The following AGL variants were observed in gnomAD, a reference collection of about 807,000 sequenced individuals.
AGL encodes glycogen debranching enzyme.
AGL carries 128 observed loss-of-function variants against 199.3 expected under a neutral mutation model. The observed-to-expected ratio is 0.64, with a 90% confidence interval of 0.56 to 0.74. The LOEUF is 0.74. Among genes scored for constraint, AGL ranks in the 30% least tolerant of loss-of-function variants. The pLI, the probability that AGL is intolerant of heterozygous loss-of-function variation, is 0.00. For synonymous variants in AGL, 584 were observed against 594.7 expected, an observed-to-expected ratio of 0.98 and a Z score of 0.26; for missense variants, 1,809 against 1,820.8, an observed-to-expected ratio of 0.99 and a Z score of 0.12.
intron 33 of AGL, among the ~76,000 whole-genome samples, chr1:99,920,826 A>G (rs962712660): frequency 7.9e-5 from 12 of 152,262 alleles, no homozygotes; most frequent in Admixed American, 3.9e-4. Context: ...ATTTGTTTTC[A>G]TTTTTAAGGG....
intron 33 of AGL, among the ~76,000 whole-genome samples, chr1:99,919,184 C>G (rs758143779): frequency 1.3e-5 from 2 of 152,204 alleles, no homozygotes; most frequent in African/African-American, 4.8e-5. Context: ...TGTGTTCCCC[C>G]TCTCTGTGCC....
At chr1:99,872,756 T>C (rs886982173) in intron 7 of AGL, among the ~76,000 whole-genome samples, 4 of 152,192 alleles carry the variant, frequency 2.6e-5, no homozygotes, top group Non-Finnish European at 5.9e-5. Flanking sequence ...CTCGATCTCT[T>C]GACCTCGTGA....
chr1:99,884,824 G>A, intron 20 of AGL, 121 bp downstream of exon 20: 1 of 1,197,618 alleles, frequency 8.3e-7, no homozygotes, highest in Non-Finnish European at 1.2e-6. Flanking sequence ...CCAAGGACCA[G>A]CAGTGTCAGC....
rs1648915915 is a variant in AGL, at chr1:99,851,108, C to T, written c.66C>T (p.Leu22=). The change falls in exon 2 of 34, where the codon CTC becomes CTT. Residue 22 remains leucine (L), a synonymous_variant. Transcript: ENST00000361915. ...AAATGGAGAAACTGGAAAAGACCCT[C>T]TTCAGACTTGAACAAGGTCAGTAGC... The part of the protein sequence containing the change: ...LNEMEKLEKT[L]FRLEQGYELQ... The T allele has an allele frequency of 6.2e-7, 1 of 1,614,008 alleles. No homozygotes were observed. Among genetic ancestry groups the T allele is most frequent in the Non-Finnish European group, 8.5e-7 (1 of 1,179,896 alleles).
At chr1:99,862,195 A>G in intron 3 of AGL, 62 bp from the exon 4 acceptor site, 9 of 1,475,852 alleles carry the variant, frequency 6.1e-6, no homozygotes, top group African/African-American at 1.4e-5. Context: ...GTCAGACTAT[A>G]TTATATGAGG....
intron 5 of AGL, among the ~76,000 whole-genome samples, chr1:99,866,800 T>TTTTCTTTA (rs58319897): frequency 1.3e-5 from 2 of 151,018 alleles, no homozygotes; most frequent in African/African-American, 2.4e-5. Context: ...ACAAGTTTTC[T>TTTTCTTTA]TTTATTTATT....
rs1397237820 is a variant in AGL, at chr1:99,900,862, G to A, written c.3588+1G>A. On this transcript the variant is annotated splice_donor_variant, in intron 26 of 33. Coordinates refer to ENST00000361915, the MANE Select transcript of AGL (RefSeq NM_000642.3). LOFTEE classifies it high-confidence loss of function. ...TGCTCCTTTGCCTGCTGGCACACTG[G>A]TAAAGATATTTCTTAAAATGTTTTT... 2 of 1,586,310 alleles carry A rather than the reference G, an allele frequency of 1.3e-6. No individual in the cohort carries two copies. Among genetic ancestry groups the A allele is most frequent in the Non-Finnish European group, 1.7e-6 (2 of 1,157,956 alleles).
rs1296061982 is a variant in AGL at position 99,870,470 on chromosome 1, A to G, written c.735A>G (p.Lys245=). ...ATCTTGTGAATTCTCCACACTTAAAACCTGCCTGGGTCTTAGACAGAGCAC... is the reference window on the plus strand; with the variant it reads ...ATCTTGTGAATTCTCCACACTTAAAGCCTGCCTGGGTCTTAGACAGAGCAC... ...AYNLVNSPHL[K]PAWVLDRALW... Residue 245 remains lysine, a synonymous_variant, in exon 6 of 34, where the codon AAA becomes AAG. Transcript: ENST00000361915. 1 of 1,613,978 alleles carries G rather than the reference A, an allele frequency of 6.2e-7. No homozygotes were observed. Among genetic ancestry groups the G allele is most frequent in the South Asian group, 1.1e-5 (1 of 91,072 alleles).
intron 2 of AGL, among the ~76,000 whole-genome samples, chr1:99,856,098 T>A (rs1361965643): frequency 6.6e-6 from 1 of 152,196 alleles, no homozygotes; most frequent in South Asian, 2.1e-4. Flanking sequence ...AGCCACACCA[T>A]GTACTGCTAT....
At chr1:99,915,322 T>C in intron 30 of AGL, 67 bp from the exon 31 acceptor site, 1 of 1,305,034 alleles carries the variant, frequency 7.7e-7, no homozygotes. Context: ...ATGAATAGTT[T>C]CTGTGGGTAG....
intron 5 of AGL, among the ~76,000 whole-genome samples, chr1:99,865,717 C>G (rs1650449054): frequency 1.3e-5 from 2 of 152,150 alleles, no homozygotes; most frequent in South Asian, 4.1e-4. Context: ...CTAGTTGGTA[C>G]AAACATTTAA....
At chr1:99,883,281 T>A (rs1374358211) in intron 17 of AGL, among the ~76,000 whole-genome samples, 1 of 152,162 alleles carries the variant, frequency 6.6e-6, no homozygotes, top group Non-Finnish European at 1.5e-5. Context: ...AAAGCTTAAG[T>A]TATTTAAAGT....
At chr1:99,899,617 C>G (rs1653648067) in intron 25 of AGL, among the ~76,000 whole-genome samples, 1 of 123,608 alleles carries the variant, frequency 8.1e-6, no homozygotes, top group South Asian at 2.9e-4. Flanking sequence ...TTCCTTCTTT[C>G]TTTCTTTTCT....
chr1:99,861,976 C>T (rs748812842), intron 3 of AGL, among the ~76,000 whole-genome samples: 3 of 152,028 alleles, frequency 2.0e-5, no homozygotes, highest in Admixed American at 2.0e-4. Flanking sequence ...TGTTTATTTG[C>T]GTGCCCTTGT....
In AGL at chr1:99,913,705, G is replaced by C; in HGVS notation, c.4128G>C (p.Gln1376His). ...CTTCAAGTCCTTGGTGTGACTATCAGCTCAGGCCTAATTTTACCATAGCAA... is the reference window on the plus strand; with the variant it reads ...CTTCAAGTCCTTGGTGTGACTATCACCTCAGGCCTAATTTTACCATAGCAA... The part of the protein sequence containing the change: ...YGASSPWCDY[Q>H]LRPNFTIAMV... The change falls in exon 30 of 34, where the codon CAG becomes CAC. Residue 1376 changes from glutamine to histidine, a missense_variant. Transcript: ENST00000361915. 6.2e-7 allele frequency: 1 copy of C among 1,614,102 alleles called. No individual in the cohort carries two copies. Among genetic ancestry groups the C allele is most frequent in the Non-Finnish European group, 8.5e-7 (1 of 1,179,986 alleles).
At chr1:99,874,542 G>A in intron 7 of AGL, 145 bp from the exon 8 acceptor site, 1 of 772,416 alleles carries the variant, frequency 1.3e-6, no homozygotes. Context: ...AGGATGAGAA[G>A]GGGAGGAGGT....
intron 5 of AGL, among the ~76,000 whole-genome samples, chr1:99,867,587 CTTCT>C (rs1650630121): frequency 6.6e-6 from 1 of 150,838 alleles, no homozygotes; most frequent in Non-Finnish European, 1.5e-5. Context: ...ACGGAGTCTC[CTTCT>C]GTCGCCCAGG....
intron 24 of AGL, 139 bp downstream of exon 24, chr1:99,892,746 T>C (rs368821298): frequency 6.0e-6 from 5 of 830,670 alleles, no homozygotes; most frequent in East Asian, 2.7e-5. Context: ...TTCATAGATA[T>C]TCACTCATAA....
At chr1:99,856,362 CCCTTCCTT>C (rs1430819978) in intron 2 of AGL, among the ~76,000 whole-genome samples, 1 of 88,416 alleles carries the variant, frequency 1.1e-5, no homozygotes, top group African/African-American at 4.2e-5. Context: ...CTCCCTCCCT[CCCTTCCTT>C]CCTCCCTTCC....
Sources: gnomAD v4.1 joint callset for allele counts (sites outside exome capture counted in the v4.1 genomes callset) on GRCh38, gnomAD v4.1.1 for gene constraint, MANE v1.5 for transcripts, NCBI Gene and HGNC (gene_info 2026-07-23, HGNC 2026-07-21) for gene names.